The following SUSD6 variants were observed in gnomAD, a reference collection of about 807,000 sequenced individuals.
SUSD6 encodes sushi domain containing 6, also known as sushi domain-containing protein 6.
In SUSD6, 16 loss-of-function variants were observed where a neutral mutation model predicts 28.4. That is an observed-to-expected ratio of 0.56 (90% CI 0.38 to 0.86). The LOEUF (loss-of-function observed/expected upper bound fraction) is 0.86, where lower values mean the gene tolerates loss of function less well. Ranked by LOEUF, SUSD6 falls within the 40% of genes least tolerant of loss-of-function variation. The pLI, the probability that SUSD6 is intolerant of heterozygous loss-of-function variation, is 0.00. For synonymous variants in SUSD6, 147 were observed against 159.6 expected (o/e 0.92, Z 0.59); for missense variants, 341 against 384.2 (o/e 0.89, Z 0.94).
chr14:69,656,156 A>C (rs1595044358), intron 1 of SUSD6, among the ~76,000 whole-genome samples: 4 of 127,032 alleles, frequency 3.1e-5, no homozygotes, highest in Admixed American at 1.8e-4. Context: ...GTCTTCCTCC[A>C]TTCTTCCCTC....
intron 1 of SUSD6, chr14:69,617,755 G>C (rs1884979874): frequency 6.6e-6 from 1 of 152,174 alleles, no homozygotes. Flanking sequence ...TCCTTTTCTT[G>C]TGAAAAATTC....
intron 1 of SUSD6, among the ~76,000 whole-genome samples, chr14:69,646,906 T>A (rs1014931250): frequency 6.6e-6 from 1 of 152,122 alleles, no homozygotes; most frequent in Admixed American, 6.6e-5. Flanking sequence ...TTTCACCATG[T>A]TAGCCAGGAT....
intron 2 of SUSD6, among the ~76,000 whole-genome samples, chr14:69,697,287 G>A (rs376914721): frequency 1.0e-3 from 159 of 152,226 alleles, no homozygotes; most frequent in African/African-American, 3.6e-3. Context: ...TGTTTTATTG[G>A]TGTGGTCTTT....
At chr14:69,700,776 G>T (rs937978788) in intron 2 of SUSD6, among the ~76,000 whole-genome samples, 3 of 152,190 alleles carry the variant, frequency 2.0e-5, no homozygotes, top group African/African-American at 7.2e-5. Flanking sequence ...GAGTATCTTT[G>T]GAAGAATATG....
chr14:69,657,383 A>G (rs556499820), intron 1 of SUSD6, among the ~76,000 whole-genome samples: 1 of 151,960 alleles, frequency 6.6e-6, no homozygotes, highest in African/African-American at 2.4e-5. Context: ...TCAACCCGGG[A>G]GGTGGAGGTT....
chr14:69,650,603 C>G (rs998650325), intron 1 of SUSD6, among the ~76,000 whole-genome samples: 6 of 152,156 alleles, frequency 3.9e-5, no homozygotes, highest in Non-Finnish European at 5.9e-5. Flanking sequence ...CAGGAACTTA[C>G]GACAGGCTTT....
chr14:69,677,713 T>C (rs1201451154), intron 2 of SUSD6, among the ~76,000 whole-genome samples: 7 of 152,152 alleles, frequency 4.6e-5, no homozygotes, highest in South Asian at 2.1e-4. Flanking sequence ...GATTTAGCAG[T>C]CTTGATGAAT....
At chr14:69,697,691 C>T (rs1169741122) in intron 2 of SUSD6, among the ~76,000 whole-genome samples, 1 of 152,180 alleles carries the variant, frequency 6.6e-6, no homozygotes, top group Non-Finnish European at 1.5e-5. Flanking sequence ...TGATTTCCAT[C>T]CATTCCTTCC....
chr14:69,638,251 A>G (rs148944742), intron 1 of SUSD6, among the ~76,000 whole-genome samples: 1 of 152,174 alleles, frequency 6.6e-6, no homozygotes. Context: ...AGAGCCTTTG[A>G]ATGGCAGGGA....
intron 2 of SUSD6, among the ~76,000 whole-genome samples, chr14:69,677,262 TA>T (rs1885923689): frequency 6.6e-6 from 1 of 152,202 alleles, no homozygotes; most frequent in South Asian, 2.1e-4. Flanking sequence ...GTTACTCTGT[TA>T]CGCCGGGCGT....
At chr14:69,654,589 A>G (rs1242737182) in intron 1 of SUSD6, among the ~76,000 whole-genome samples, 2 of 152,128 alleles carry the variant, frequency 1.3e-5, no homozygotes, top group Non-Finnish European at 2.9e-5. Flanking sequence ...GAGAGAGGAG[A>G]CAAGTGGTCT....
chr14:69,654,355 C>G (rs972031651), intron 1 of SUSD6, among the ~76,000 whole-genome samples: 12 of 152,222 alleles, frequency 7.9e-5, no homozygotes, highest in African/African-American at 2.7e-4. Context: ...AAGGAAGTCT[C>G]AGCCTGGTGT....
chr14:69,704,119 A>G (rs941148191), intron 3 of SUSD6, among the ~76,000 whole-genome samples: 2 of 152,174 alleles, frequency 1.3e-5, no homozygotes, highest in East Asian at 1.9e-4. Flanking sequence ...CACCCCAGAA[A>G]TGGGTGGGAA....
At chr14:69,639,956 GT>G (rs11463756) in intron 1 of SUSD6, among the ~76,000 whole-genome samples, 10 of 81,650 alleles carry the variant, frequency 1.2e-4, no homozygotes, top group African/African-American at 2.3e-4. Flanking sequence ...CACCTACACT[GT>G]TTTTTTTTTT....
chr14:69,683,880 G>A (rs1312898182), intron 2 of SUSD6, among the ~76,000 whole-genome samples: 1 of 152,238 alleles, frequency 6.6e-6, no homozygotes, highest in East Asian at 1.9e-4. Flanking sequence ...AGATCATGCT[G>A]TAAGATACTG....
chr14:69,617,004 A>G (rs1884969290), intron 1 of SUSD6: 1 of 152,152 alleles, frequency 6.6e-6, no homozygotes, highest in Non-Finnish European at 1.5e-5. Context: ...AGGTTTGCCT[A>G]TTTGGACATT....
At chr14:69,654,790 G>GT (rs1491558166) in intron 1 of SUSD6, among the ~76,000 whole-genome samples, 2 of 98,984 alleles carry the variant, frequency 2.0e-5, no homozygotes, top group Non-Finnish European at 4.0e-5. Context: ...TTTTTTTTTT[G>GT]GTGTGTGTGT....
At chr14:69,652,648 G>A (rs902776229) in intron 1 of SUSD6, among the ~76,000 whole-genome samples, 4 of 152,088 alleles carry the variant, frequency 2.6e-5, no homozygotes, top group Admixed American at 2.0e-4. Flanking sequence ...AGCAGGGGTG[G>A]GCCCCAGGCA....
intron 1 of SUSD6, among the ~76,000 whole-genome samples, chr14:69,639,631 G>A (rs1257160173): frequency 6.6e-6 from 1 of 152,182 alleles, no homozygotes; most frequent in Non-Finnish European, 1.5e-5. Context: ...TGCACCACAT[G>A]TACAACTAAG....
Sources: gnomAD v4.1 joint callset for allele counts (sites outside exome capture counted in the v4.1 genomes callset) on GRCh38, gnomAD v4.1.1 for gene constraint, MANE v1.5 for transcripts, NCBI Gene and HGNC (gene_info 2026-07-23, HGNC 2026-07-21) for gene names.